Variants in PLCE1 observed in about 807,000 individuals in gnomAD.
PLCE1 encodes the protein phospholipase C epsilon 1.
A neutral mutation model predicts 242.8 loss-of-function variants in PLCE1; 119 were observed. The observed-to-expected ratio is 0.49, with a 90% confidence interval of 0.42 to 0.57. The LOEUF is 0.57. Ranked by LOEUF, PLCE1 falls within the 20% of genes least tolerant of loss-of-function variation. The probability of loss-of-function intolerance (pLI) is 0.00; values close to 1 mark genes in which losing one functional copy is unlikely to be tolerated. For synonymous variants in PLCE1, 945 were observed against 1,017.4 expected (o/e 0.93, Z 1.35); for missense variants, 2,441 against 2,788.8 (o/e 0.88, Z 2.81).
intron 3 of PLCE1, among the ~76,000 whole-genome samples, chr10:94,164,073 C>T (rs1181248325): frequency 6.6e-6 from 1 of 152,148 alleles, no homozygotes; most frequent in East Asian, 1.9e-4. Context: ...TTCTCTCTGG[C>T]TGCCCTTAAC....
At chr10:94,169,865 A>G (rs140491010) in intron 3 of PLCE1, among the ~76,000 whole-genome samples, 1 of 152,320 alleles carries the variant, frequency 6.6e-6, no homozygotes, top group Non-Finnish European at 1.5e-5. Flanking sequence ...TGGAAAGTCA[A>G]GCTGTCTTCT....
At chr10:94,159,965 T>C (rs1042276286) in intron 3 of PLCE1, among the ~76,000 whole-genome samples, 26 of 152,244 alleles carry the variant, frequency 1.7e-4, no homozygotes, top group Admixed American at 3.9e-4. Context: ...TTTTTATGGC[T>C]GCATAGTATT....
At chr10:94,109,375 G>A (rs975364832) in intron 2 of PLCE1, among the ~76,000 whole-genome samples, 42 of 152,058 alleles carry the variant, frequency 2.8e-4, no homozygotes, top group African/African-American at 9.7e-4. Context: ...GAGATAAAAA[G>A]AAAATGTGAC....
At position 94,279,818 on chromosome 10, in the gene PLCE1, A is replaced by G; in HGVS notation, c.4702A>G (p.Asn1568Asp). 1.2e-6 allele frequency: 2 copies of G among 1,613,648 alleles called. No homozygotes were observed. ...QLASMQVQAY[N>D]GGNANPRPAN... is the part of the protein sequence containing the mutation. ...AGCATCTATGCAAGTGCAGGCTTAT[A>G]ATGGTGGGAATGCCAACCCCCGACC... The change falls in exon 20 of 33, where the codon AAT becomes GAT. Residue 1568 changes from asparagine to aspartate, a missense_variant. Transcript: ENST00000371380.
chr10:94,153,085 T>C (rs1033927833), intron 3 of PLCE1, among the ~76,000 whole-genome samples: 2 of 152,200 alleles, frequency 1.3e-5, no homozygotes, highest in Non-Finnish European at 2.9e-5. Flanking sequence ...GTTTATGATA[T>C]GAAGTCATGG....
At chr10:94,290,519 C>G (rs1482035710) in intron 22 of PLCE1, among the ~76,000 whole-genome samples, 1 of 151,572 alleles carries the variant, frequency 6.6e-6, no homozygotes, top group Non-Finnish European at 1.5e-5. Flanking sequence ...GAGTCAAGAT[C>G]ACCAATATCA....
intron 2 of PLCE1, chr10:94,099,942 T>A (rs191396099): frequency 2.0e-5 from 3 of 152,250 alleles, no homozygotes; most frequent in Non-Finnish European, 2.9e-5. Context: ...GAGGGTTTAA[T>A]GGTCAGGGAG....
intron 14 of PLCE1, 23 bp from the exon 15 acceptor site, chr10:94,265,624 C>CTT (rs769399009): frequency 2.1e-6 from 3 of 1,426,446 alleles, no homozygotes; most frequent in South Asian, 1.2e-5. Context: ...CTAAATAACA[C>CTT]TTTTTTTTTT....
intron 10 of PLCE1, 144 bp downstream of exon 10, chr10:94,254,451 G>A (rs1015008708): frequency 1.4e-6 from 1 of 714,806 alleles, no homozygotes; most frequent in Non-Finnish European, 2.6e-6. Context: ...GAAACCTAAA[G>A]GTACTTCTGC....
At chr10:94,007,421 G>A (rs1256954381) in intron 1 of PLCE1, among the ~76,000 whole-genome samples, 1 of 152,080 alleles carries the variant, frequency 6.6e-6, no homozygotes, top group Admixed American at 6.6e-5. Context: ...ACAAACCCTT[G>A]CCCAAGTGGG....
At chr10:94,145,996 G>T (rs1355118516) in intron 3 of PLCE1, among the ~76,000 whole-genome samples, 1 of 152,122 alleles carries the variant, frequency 6.6e-6, no homozygotes, top group East Asian at 1.9e-4. Context: ...AAGAAATGAT[G>T]CAGTGGACAT....
chr10:94,148,577 G>A (rs547571604), intron 3 of PLCE1, among the ~76,000 whole-genome samples: 1 of 152,212 alleles, frequency 6.6e-6, no homozygotes, highest in Non-Finnish European at 1.5e-5. Context: ...GATCATGCAC[G>A]GGCAAATAAA....
At chr10:94,007,510 C>T (rs2134230851) in intron 1 of PLCE1, among the ~76,000 whole-genome samples, 1 of 150,338 alleles carries the variant, frequency 6.7e-6, no homozygotes, top group Non-Finnish European at 1.5e-5. Flanking sequence ...AATCTCCTAA[C>T]AATTTCAGGT....
intron 1 of PLCE1, among the ~76,000 whole-genome samples, chr10:94,012,025 C>T (rs1189738574): frequency 6.6e-6 from 1 of 152,188 alleles, no homozygotes; most frequent in Non-Finnish European, 1.5e-5. Context: ...ACTGCAGCAC[C>T]TCTTCATCAG....
chr10:94,102,583 C>T (rs1286770109), intron 2 of PLCE1, among the ~76,000 whole-genome samples: 1 of 152,230 alleles, frequency 6.6e-6, no homozygotes, highest in Admixed American at 6.5e-5. Context: ...ACTCATGTCA[C>T]ACGTGAAGAC....
At chr10:94,030,093 G>A (rs185756718) in intron 1 of PLCE1, among the ~76,000 whole-genome samples, 1 of 152,262 alleles carries the variant, frequency 6.6e-6, no homozygotes, top group Non-Finnish European at 1.5e-5. Context: ...TATAGAATTT[G>A]AAGTTGACAG....
intron 4 of PLCE1, 187 bp from the exon 5 acceptor site, chr10:94,227,119 C>G: frequency 3.5e-6 from 2 of 577,318 alleles, no homozygotes; most frequent in Non-Finnish European, 6.3e-6. Context: ...TCAGGTGATT[C>G]GCCCACCTCA....
In PLCE1 at chr10:94,246,042, C is replaced by T. The variant is rs1248782361; in HGVS notation, c.2517C>T (p.Phe839=). 8.7e-6 allele frequency: 14 copies of T among 1,614,048 alleles called. No homozygotes were observed. Among genetic ancestry groups the T allele is most frequent in the African/African-American group, 6.7e-5 (5 of 75,022 alleles). ...SHGSEDSQKA[F]DHGTELIPWY... is the part of the protein sequence containing the mutation. ...GTTCAGAGGACTCACAGAAGGCCTT[C>T]GACCATGGGACGGAGCTCATCCCTT... Residue 839 remains phenylalanine, a synonymous_variant, in exon 8 of 33, where the codon TTC becomes TTT. Coordinates refer to ENST00000371380, the MANE Select transcript of PLCE1 (RefSeq NM_016341.4).
chr10:94,164,751 T>C lies in PLCE1; in HGVS notation c.1493-6429T>C, dbSNP rs185668715. 6.1e-3 allele frequency among the ~76,000 whole-genome samples: 924 copies of C among 152,322 alleles called. 8 individuals are homozygous for C. The highest frequency in any genetic ancestry group is 0.031 in the Middle Eastern group (9 of 294). On this transcript the variant is annotated intron_variant, in intron 3 of 32. Coordinates refer to ENST00000371380, the MANE Select transcript of PLCE1 (RefSeq NM_016341.4). ...TTTCAGTTTTGTTGTTCTGTTTTTT[T>C]CCCATCTTTGTGTTTTTATCTACCT...
Sources: allele counts gnomAD v4.1 joint callset (sites outside exome capture counted in the v4.1 genomes callset), GRCh38; gene constraint gnomAD v4.1.1; transcripts MANE v1.5; gene names NCBI Gene and HGNC (gene_info 2026-07-23, HGNC 2026-07-21).